Variants in C11orf42 observed in about 807,000 individuals in gnomAD.
C11orf42 encodes chromosome 11 open reading frame 42, also known as uncharacterized protein C11orf42.
In C11orf42, 24 loss-of-function variants were observed where a neutral mutation model predicts 27.9. That is an observed-to-expected ratio of 0.86 (90% confidence interval 0.62 to 1.21). C11orf42 has a LOEUF of 1.21. C11orf42 is among the 50% of genes most tolerant of loss of function. The probability of loss-of-function intolerance (pLI) is 0.00; values close to 1 mark genes in which losing one functional copy is unlikely to be tolerated. For synonymous variants in C11orf42, 187 were observed against 180.8 expected (o/e 1.03, Z -0.28); for missense variants, 455 against 424.1 (o/e 1.07, Z -0.64).
chr11:6,210,930 C>T lies in C11orf42; in HGVS notation c.890C>T (p.Pro297Leu), dbSNP rs1847055038. Reference sequence around the variant, plus strand: ...CTGGCAGAGAACTGGCTCTTCAGCCCCCGCAGCCCTCCACCAGGAGCCCAG... The same window carrying T: ...CTGGCAGAGAACTGGCTCTTCAGCCTCCGCAGCCCTCCACCAGGAGCCCAG... ...QILSENWLFS[P>L]RSPPPGAQGG... The change falls in exon 3 of 3, where the codon CCC becomes CTC. Residue 297 changes from proline to leucine, a missense_variant. By Grantham distance (98) the Pro-to-Leu change is moderately conservative. Transcript: ENST00000316375. The surrounding 1 kb of genome is among the most constrained non-coding windows in gnomAD (Gnocchi z 4.0). The T allele has an allele frequency of 6.2e-7, 1 of 1,608,124 alleles. No homozygotes were observed. Among genetic ancestry groups the T allele is most frequent in the Non-Finnish European group, 8.5e-7 (1 of 1,178,116 alleles).
chr11:6,209,582 G>A (rs1215193552), intron 1 of C11orf42, among the ~76,000 whole-genome samples: 1 of 152,210 alleles, frequency 6.6e-6, no homozygotes, highest in African/African-American at 2.4e-5. Context: ...TTACATAGCA[G>A]ACTGTTTACA....
rs372442553 is a variant in C11orf42, at chr11:6,211,085, G to A, written c.*43G>A. The A allele has an allele frequency of 3.1e-6, 5 of 1,604,022 alleles. No homozygotes were observed. Among genetic ancestry groups the A allele is most frequent in the Admixed American group, 3.6e-5 (2 of 56,272 alleles). On this transcript the variant is annotated 3_prime_UTR_variant, in exon 3 of 3. Coordinates refer to ENST00000316375, the MANE Select transcript of C11orf42 (RefSeq NM_173525.3). ...CCGGGGGCAAAGCCCCCAAGATCTG[G>A]CATAGGGGTACTGGTCTCTAATAAA... is the stretch of plus-strand genomic sequence containing the variant.
Position 6,210,862 on chromosome 11 carries a change from G to A in C11orf42, c.872-50G>A. 6.5e-7 allele frequency: 1 copy of A among 1,533,878 alleles called. No individual in the cohort carries two copies. Among genetic ancestry groups the A allele is most frequent in the South Asian group, 1.2e-5 (1 of 81,602 alleles). The stretch of plus-strand genomic sequence containing the variant: ...GAGGACCAGAGGGAAAAGCTAGGGG[G>A]GGAAAAGACCAGCCATGAGTCAAGC... On this transcript the variant is annotated intron_variant, in intron 2 of 2. Transcript: ENST00000316375. The surrounding 1 kb of genome is among the most constrained non-coding windows in gnomAD (Gnocchi z 4.0).
At chr11:6,206,989 CAT>C (rs1846985564) in intron 1 of C11orf42, among the ~76,000 whole-genome samples, 1 of 152,144 alleles carries the variant, frequency 6.6e-6, no homozygotes, top group Non-Finnish European at 1.5e-5. Flanking sequence ...ATGGTAAAAA[CAT>C]TTGGCTAAAC....
At position 6,205,585 on chromosome 11, in the gene C11orf42, C is replaced by T; in HGVS notation, c.-31C>T. On this transcript the variant is annotated 5_prime_UTR_variant, in exon 1 of 3. Transcript: ENST00000316375. ...CTGCCTGGGGTTCCTGCAGCAGCCA[C>T]TGCCCTGCCCAATCCCTCCCATACC... 6.3e-7 allele frequency: 1 copy of T among 1,593,024 alleles called. No homozygotes were observed. The highest frequency in any genetic ancestry group is 8.6e-7 in the Non-Finnish European group (1 of 1,163,488).
intron 1 of C11orf42, 38 bp from the exon 2 acceptor site, chr11:6,209,812 G>A: frequency 3.9e-6 from 6 of 1,528,742 alleles, no homozygotes; most frequent in Non-Finnish European, 5.3e-6. Flanking sequence ...GTTAACTTCT[G>A]ACCCTAAGTC....
rs778944814 is a variant in C11orf42, at chr11:6,210,107, T to C, written c.330T>C (p.Tyr110=). Residue 110 remains tyrosine, a synonymous_variant, in exon 2 of 3, where the codon TAT becomes TAC. Transcript: ENST00000316375. This position sits in a 1 kb window ranked among gnomAD's most constrained non-coding sequence, Gnocchi z 4.0. Reference sequence around the variant, plus strand: ...CAAATGGCCGAGCAGAGAGAGCCTATGAAGAGACGCGAATGTTGGATGGAC... The same window carrying C: ...CAAATGGCCGAGCAGAGAGAGCCTACGAAGAGACGCGAATGTTGGATGGAC... The part of the protein sequence containing the change: ...YSPNGRAERA[Y]EETRMLDGQP... The C allele has an allele frequency of 2.5e-6, 4 of 1,614,220 alleles. No homozygotes were observed. The highest frequency in any genetic ancestry group is 2.2e-5 in the East Asian group (1 of 44,886).
In C11orf42 at chr11:6,211,006, G is replaced by C; in HGVS notation, c.966G>C (p.Leu322=). ...GGCACTCCATGTCCCTGCCCCTGCT[G>C]CAGGGTCTATCCTCAGAGTTCGACA... The part of the protein sequence containing the change: ...PDGHSMSLPL[L]QGLSSEFDSD... The change falls in exon 3 of 3, where the codon CTG becomes CTC. Residue 322 remains leucine, a synonymous_variant. Transcript: ENST00000316375. The C allele has an allele frequency of 6.2e-7, 1 of 1,609,314 alleles. No homozygotes were observed. The highest frequency in any genetic ancestry group is 8.5e-7 in the Non-Finnish European group (1 of 1,178,682).
rs372368924 is a variant in C11orf42 at position 6,205,640 on chromosome 11, C to T, written c.25C>T (p.Leu9=). ...CATGTTGGTGGGTACCCCCAACCTGCTGACACTGGATGAAGCTGATGCCAC... is the reference window on the plus strand; with the variant it reads ...CATGTTGGTGGGTACCCCCAACCTGTTGACACTGGATGAAGCTGATGCCAC... The part of the protein sequence containing the change: MLVGTPNL[L]TLDEADATWT... Residue 9 remains leucine, a synonymous_variant, in exon 1 of 3, where the codon CTG becomes TTG. Coordinates refer to ENST00000316375, the MANE Select transcript of C11orf42 (RefSeq NM_173525.3). 108 of 1,613,796 alleles carry T rather than the reference C, an allele frequency of 6.7e-5. No individual in the cohort carries two copies. Among genetic ancestry groups the T allele is most frequent in the Non-Finnish European group, 8.9e-5 (105 of 1,179,864 alleles).
intron 1 of C11orf42, among the ~76,000 whole-genome samples, chr11:6,207,221 C>A (rs1332003515): frequency 9.9e-5 from 15 of 152,132 alleles, no homozygotes; most frequent in Non-Finnish European, 2.9e-5. Context: ...AACAAAGAAC[C>A]GAGCTCCTTA....
rs548640616 is a variant in C11orf42 at position 6,205,606 on chromosome 11, A to C, written c.-10A>C. On this transcript the variant is annotated 5_prime_UTR_variant, in exon 1 of 3. Transcript: ENST00000316375. ...GCCACTGCCCTGCCCAATCCCTCCC[A>C]TACCCCACCATGTTGGTGGGTACCC... 2 of 1,612,552 alleles carry C rather than the reference A, an allele frequency of 1.2e-6. No homozygotes were observed. Among genetic ancestry groups the C allele is most frequent in the Admixed American group, 1.7e-5 (1 of 59,948 alleles).
Position 6,210,536 on chromosome 11 carries a change from A to G in C11orf42, c.759A>G (p.Pro253=), listed in dbSNP as rs1411953532. The G allele has an allele frequency of 2.4e-5, 38 of 1,612,518 alleles. No homozygotes were observed. Among genetic ancestry groups the G allele is most frequent in the Non-Finnish European group, 3.1e-5 (36 of 1,179,466 alleles). Residue 253 remains proline, a synonymous_variant, in exon 2 of 3, where the codon CCA becomes CCG. Coordinates refer to ENST00000316375, the MANE Select transcript of C11orf42 (RefSeq NM_173525.3). The surrounding 1 kb of genome is among the most constrained non-coding windows in gnomAD (Gnocchi z 4.0). ...CAACTGAAGCTGCTGATGTGCCCCCACCTGTCCCAGCCCCACCTACGCCAC... is the reference window on the plus strand; with the variant it reads ...CAACTGAAGCTGCTGATGTGCCCCCGCCTGTCCCAGCCCCACCTACGCCAC... The part of the protein sequence containing the change: ...ADTTEAADVP[P]PVPAPPTPPP...
In C11orf42 at chr11:6,210,680, TGGGA is replaced by T. The variant is rs747324178; in HGVS notation, c.871+37_871+40del. On this transcript the variant is annotated intron_variant, in intron 2 of 2. Transcript: ENST00000316375. The surrounding 1 kb of genome is among the most constrained non-coding windows in gnomAD (Gnocchi z 4.0). ...CTAGGGGAAATGATGATGAGATGGA[TGGGA>T]GGGACAAAGTGAAGGAGGGAGAAGG... 50 of 1,600,790 alleles carry T rather than the reference TGGGA, an allele frequency of 3.1e-5. No individual in the cohort carries two copies. The African/African-American group carries it at 6.1e-4, about 19-fold the overall frequency.
chr11:6,210,500 AC>A lies in C11orf42; in HGVS notation c.725del (p.Pro242LeufsTer114). The A allele has an allele frequency of 1.9e-6, 3 of 1,613,484 alleles. No individual in the cohort carries two copies. The highest frequency in any genetic ancestry group is 2.5e-6 in the Non-Finnish European group (3 of 1,179,700). On this transcript the variant is annotated frameshift_variant, in exon 2 of 3. Transcript: ENST00000316375. LOFTEE classifies it high-confidence loss of function. The surrounding 1 kb of genome is among the most constrained non-coding windows in gnomAD (Gnocchi z 4.0). Reference protein sequence around the residue: ...IMPPLAPTSAPADTTEAADVP... With the variant: ...IMPPLAPTSAXADTTEAADVP... Reference sequence around the variant, plus strand: ...TGCCGCCTCTGGCCCCCACATCAGCACCTGCTGATACAACTGAAGCTGCTGA... The same window carrying A: ...TGCCGCCTCTGGCCCCCACATCAGCACTGCTGATACAACTGAAGCTGCTGA...
intron 1 of C11orf42, among the ~76,000 whole-genome samples, chr11:6,207,016 GAGCT>G: frequency 6.6e-6 from 1 of 152,098 alleles, no homozygotes; most frequent in East Asian, 1.9e-4. Flanking sequence ...TGTGGCTCAA[GAGCT>G]CCACATTCAG....
At position 6,210,348 on chromosome 11, in the gene C11orf42, T is replaced by C. The variant is rs1847037609; in HGVS notation, c.571T>C (p.Leu191=). Residue 191 remains leucine, a synonymous_variant, in exon 2 of 3, where the codon TTA becomes CTA. Transcript: ENST00000316375. The surrounding 1 kb of genome is among the most constrained non-coding windows in gnomAD (Gnocchi z 4.0). ...EPQLLRLLRS[L]PVAFSCLKFS... ...CCAGCTCCTCCGGCTACTTCGGTCA[T>C]TACCTGTTGCCTTCTCCTGCCTCAA... The C allele has an allele frequency of 5.0e-6, 8 of 1,614,200 alleles. No individual in the cohort carries two copies. The highest frequency in any genetic ancestry group is 1.1e-5 in the South Asian group (1 of 91,088).
In C11orf42 at chr11:6,209,887, T is replaced by C. The variant is rs1444552218; in HGVS notation, c.110T>C (p.Val37Ala). The stretch of plus-strand genomic sequence containing the variant: ...CACTTTGGGCCCAATGCAGTAGCAG[T>C]ACCTTTCCTGTCAGATGCAGCCTGC... ...EEHFGPNAVA[V>A]PFLSDAACYD... The change falls in exon 2 of 3, where the codon GTA (valine) becomes GCA (alanine). Residue 37 changes from valine (V) to alanine (A), a missense_variant. Val to Ala is a moderately conservative substitution (Grantham distance 64, BLOSUM62 0). Transcript: ENST00000316375. 3 of 1,598,574 alleles carry C rather than the reference T, an allele frequency of 1.9e-6. No homozygotes were observed. Among genetic ancestry groups the C allele is most frequent in the East Asian group, 2.3e-5 (1 of 44,422 alleles).
At position 6,211,062 on chromosome 11, in the gene C11orf42, G is replaced by A. The variant is rs377758372; in HGVS notation, c.*20G>A. 1.5e-5 allele frequency: 24 copies of A among 1,608,364 alleles called. No individual in the cohort carries two copies. The highest frequency in any genetic ancestry group is 8.8e-5 in the South Asian group (8 of 90,456). ...GACTGAAGCTGAAGCAAAAGATTCC[G>A]GGGGCAAAGCCCCCAAGATCTGGCA... is the stretch of plus-strand genomic sequence containing the variant. On this transcript the variant is annotated 3_prime_UTR_variant, in exon 3 of 3. Transcript: ENST00000316375.
In C11orf42 at chr11:6,205,670, A is replaced by G. The variant is rs765545413; in HGVS notation, c.55A>G (p.Thr19Ala). Residue 19 changes from threonine to alanine, a missense_variant, in exon 1 of 3, where the codon ACC (threonine) becomes GCC (alanine). Physicochemically the swap from Thr to Ala is moderately conservative, Grantham distance 58. Transcript: ENST00000316375. ...LTLDEADATWTLIKDKVIEEH... is the reference protein window; with the variant it reads ...LTLDEADATWALIKDKVIEEH... ...ACTGGATGAAGCTGATGCCACCTGG[A>G]CCCTCATCAAGGATAAGGTAGGTAA... The G allele has an allele frequency of 1.2e-6, 2 of 1,613,760 alleles. No homozygotes were observed. Among genetic ancestry groups the G allele is most frequent in the East Asian group, 4.5e-5 (2 of 44,860 alleles).
Sources: gnomAD v4.1 joint callset for allele counts (sites outside exome capture counted in the v4.1 genomes callset) on GRCh38, gnomAD v4.1.1 for gene constraint, Gnocchi (gnomAD v3.1) non-coding constraint, MANE v1.5 for transcripts, NCBI Gene and HGNC (gene_info 2026-07-23, HGNC 2026-07-21) for gene names.